CHCHD6: variants seen among roughly 807,000 people sequenced by gnomAD.
CHCHD6 encodes MICOS complex subunit MIC25.
Under a neutral mutation model 32.3 loss-of-function variants are expected in CHCHD6, and 28 were observed. The observed-to-expected ratio is 0.87, with a 90% CI of 0.64 to 1.19. The LOEUF (loss-of-function observed/expected upper bound fraction) is 1.19, where lower values mean the gene tolerates loss of function less well. CHCHD6 is among the 50% of genes most tolerant of loss of function. The pLI is 0.00. For missense variants in CHCHD6, 333 were observed against 307.0 expected (o/e 1.08, Z -0.63); for synonymous variants, 122 against 117.5 (o/e 1.04, Z -0.25).
intron 4 of CHCHD6, among the ~76,000 whole-genome samples, chr3:126,807,455 G>A (rs1270133898): frequency 6.6e-6 from 1 of 152,080 alleles, no homozygotes; most frequent in Non-Finnish European, 1.5e-5. Context: ...AGAAGGGCTA[G>A]AAAGTAGATT....
At chr3:126,950,208 G>A (rs993556548) in intron 6 of CHCHD6, among the ~76,000 whole-genome samples, 6 of 152,134 alleles carry the variant, frequency 3.9e-5, no homozygotes, top group Non-Finnish European at 7.3e-5. Context: ...GGAAGGGAAG[G>A]CTTCAGAGAG....
intron 4 of CHCHD6, among the ~76,000 whole-genome samples, chr3:126,852,381 CTG>C (rs779104992): frequency 2.0e-5 from 3 of 152,156 alleles, no homozygotes; most frequent in Non-Finnish European, 2.9e-5. Flanking sequence ...AAGGAAATAA[CTG>C]TGGGAGAACT....
intron 5 of CHCHD6, among the ~76,000 whole-genome samples, chr3:126,909,193 GT>G (rs2078048637): frequency 2.6e-5 from 4 of 152,230 alleles, no homozygotes; most frequent in Admixed American, 2.6e-4. Context: ...CAGTCCAAAA[GT>G]TGCTCTCCCC....
At chr3:126,892,648 C>T (rs781020418) in intron 5 of CHCHD6, among the ~76,000 whole-genome samples, 44 of 152,236 alleles carry the variant, frequency 2.9e-4, no homozygotes, top group Non-Finnish European at 5.7e-4. Flanking sequence ...TCCTTCTCTG[C>T]ATAAACCCCC....
chr3:126,778,821 G>A (rs1349106544), intron 4 of CHCHD6, among the ~76,000 whole-genome samples: 1 of 152,082 alleles, frequency 6.6e-6, no homozygotes, highest in Non-Finnish European at 1.5e-5. Flanking sequence ...TGTAATCATA[G>A]CTCACTGCAG....
At chr3:126,923,102 G>T (rs891386951) in intron 6 of CHCHD6, among the ~76,000 whole-genome samples, 1 of 152,174 alleles carries the variant, frequency 6.6e-6, no homozygotes, top group African/African-American at 2.4e-5. Context: ...TTGCCACTGC[G>T]CTGTAGCAGC....
At chr3:126,841,508 G>C (rs898078990) in intron 4 of CHCHD6, among the ~76,000 whole-genome samples, 14 of 152,062 alleles carry the variant, frequency 9.2e-5, no homozygotes, top group African/African-American at 2.4e-5. Flanking sequence ...GGGTTGTGAG[G>C]AACATAATTT....
At chr3:126,892,281 G>T (rs997788450) in intron 5 of CHCHD6, among the ~76,000 whole-genome samples, 1 of 152,138 alleles carries the variant, frequency 6.6e-6, no homozygotes, top group Admixed American at 6.5e-5. Context: ...CAGTTAAGGC[G>T]CTGTGACTTA....
At chr3:126,798,911 C>G (rs531696383) in intron 4 of CHCHD6, among the ~76,000 whole-genome samples, 22 of 152,278 alleles carry the variant, frequency 1.4e-4, no homozygotes, top group African/African-American at 5.1e-4. Context: ...GCTCTTGTAT[C>G]CTGGAATGTT....
intron 4 of CHCHD6, among the ~76,000 whole-genome samples, chr3:126,759,855 G>A (rs1937097619): frequency 6.6e-6 from 1 of 152,170 alleles, no homozygotes; most frequent in Admixed American, 6.5e-5. Context: ...TAAAGAAGAG[G>A]TTTAATTGGC....
At chr3:126,855,622 C>T (rs1941638707) in intron 5 of CHCHD6, among the ~76,000 whole-genome samples, 1 of 152,180 alleles carries the variant, frequency 6.6e-6, no homozygotes, top group South Asian at 2.1e-4. Context: ...AGCCTTCTCT[C>T]TGGGCTGCAT....
At chr3:126,822,819 T>G (rs1002169226) in intron 4 of CHCHD6, among the ~76,000 whole-genome samples, 2 of 152,232 alleles carry the variant, frequency 1.3e-5, no homozygotes, top group Non-Finnish European at 2.9e-5. Context: ...CTAGACTGTG[T>G]CTAGTTCAAA....
intron 4 of CHCHD6, among the ~76,000 whole-genome samples, chr3:126,764,769 G>C (rs923766319): frequency 6.6e-6 from 1 of 152,184 alleles, no homozygotes; most frequent in East Asian, 1.9e-4. Context: ...CCAGGCAAAC[G>C]GATCAGGCTG....
At chr3:126,838,262 A>G (rs1005677427) in intron 4 of CHCHD6, among the ~76,000 whole-genome samples, 1 of 152,172 alleles carries the variant, frequency 6.6e-6, no homozygotes, top group African/African-American at 2.4e-5. Flanking sequence ...TGTATCGTGT[A>G]ATGAGGAACA....
chr3:126,929,275 A>G (rs932661878), intron 6 of CHCHD6, among the ~76,000 whole-genome samples: 7 of 152,160 alleles, frequency 4.6e-5, no homozygotes, highest in African/African-American at 1.7e-4. Context: ...AGCAGCCAGA[A>G]TGCAGTGCAG....
intron 5 of CHCHD6, among the ~76,000 whole-genome samples, chr3:126,872,934 G>A (rs944878897): frequency 6.6e-6 from 1 of 152,228 alleles, no homozygotes; most frequent in African/African-American, 2.4e-5. Context: ...GCAAGTTTCA[G>A]CATCTCAACA....
intron 4 of CHCHD6, among the ~76,000 whole-genome samples, chr3:126,734,992 G>A (rs999215): frequency 0.2 from 30,914 of 152,100 alleles, 3,385 homozygotes; most frequent in South Asian, 0.35. Flanking sequence ...GTGAGGAATC[G>A]GTTGATGCAG....
intron 1 of CHCHD6, among the ~76,000 whole-genome samples, chr3:126,723,469 AT>A (rs1935402478): frequency 6.6e-6 from 1 of 152,134 alleles, no homozygotes; most frequent in African/African-American, 2.4e-5. Context: ...ACTTGCGGAT[AT>A]GTGTATATGC....
intron 1 of CHCHD6, among the ~76,000 whole-genome samples, chr3:126,707,333 A>G (rs1455114065): frequency 6.6e-6 from 1 of 152,184 alleles, no homozygotes; most frequent in Non-Finnish European, 1.5e-5. Flanking sequence ...AAATTCACAA[A>G]GTGTGTTCAA....
Sources: gnomAD v4.1 joint callset for allele counts (sites outside exome capture counted in the v4.1 genomes callset) on GRCh38, gnomAD v4.1.1 for gene constraint, MANE v1.5 for transcripts, NCBI Gene and HGNC (gene_info 2026-07-23, HGNC 2026-07-21) for gene names.